Variants in GRIP1 observed in about 807,000 individuals in gnomAD.
GRIP1 encodes the protein glutamate receptor-interacting protein 1.
GRIP1 carries 45 observed loss-of-function variants against 129.9 expected under a neutral mutation model. That is an observed-to-expected ratio of 0.35 (90% CI 0.27 to 0.44). GRIP1 has a LOEUF of 0.44. Ranked by LOEUF, GRIP1 falls within the 20% of genes least tolerant of loss-of-function variation. The pLI is 1.00. For synonymous variants in GRIP1, 530 were observed against 520.8 expected, an observed-to-expected ratio of 1.02 and a Z score of -0.24; for missense variants, 1,196 against 1,396.8, an observed-to-expected ratio of 0.86 and a Z score of 2.29.
chr12:66,355,147 C>A (rs768209549), intron 23 of GRIP1, among the ~76,000 whole-genome samples: 1 of 152,142 alleles, frequency 6.6e-6, no homozygotes, highest in Non-Finnish European at 1.5e-5. Context: ...CACCCCAGAC[C>A]GACTGAGAAT....
intron 2 of GRIP1, among the ~76,000 whole-genome samples, chr12:66,542,263 C>G (rs2061807791): frequency 6.6e-6 from 1 of 152,152 alleles, no homozygotes; most frequent in Non-Finnish European, 1.5e-5. Flanking sequence ...TCTGGTTTCT[C>G]TCCTTGTAAC....
intron 1 of GRIP1, among the ~76,000 whole-genome samples, chr12:66,641,406 T>G (rs1379471739): frequency 6.6e-6 from 1 of 152,196 alleles, no homozygotes; most frequent in African/African-American, 2.4e-5. Flanking sequence ...GGGGTGGGCC[T>G]GGATCCCTGA....
At chr12:66,896,496 A>G (rs888229262) in intron 1 of GRIP1, among the ~76,000 whole-genome samples, 8 of 151,238 alleles carry the variant, frequency 5.3e-5, no homozygotes, top group Admixed American at 1.3e-4. Flanking sequence ...AAAAAAAAAA[A>G]CTTTGGTGGG....
At chr12:66,673,496 G>C (rs2034178596) in intron 1 of GRIP1, among the ~76,000 whole-genome samples, 1 of 152,126 alleles carries the variant, frequency 6.6e-6, no homozygotes, top group Non-Finnish European at 1.5e-5. Context: ...GTCATACAAG[G>C]CATAGCCAAA....
chr12:66,366,833 G>A (rs898647045), intron 23 of GRIP1, among the ~76,000 whole-genome samples: 2 of 145,576 alleles, frequency 1.4e-5, no homozygotes, highest in African/African-American at 5.1e-5. Flanking sequence ...ACAGGTGCAA[G>A]CCACCACGCC....
chr12:66,626,987 T>C (rs2030150984), intron 1 of GRIP1, among the ~76,000 whole-genome samples: 1 of 152,162 alleles, frequency 6.6e-6, no homozygotes, highest in South Asian at 2.1e-4. Context: ...CTTCCCATTT[T>C]CTAACCACAG....
chr12:66,635,061 T>C (rs1263108171), intron 1 of GRIP1, among the ~76,000 whole-genome samples: 7 of 152,176 alleles, frequency 4.6e-5, no homozygotes, highest in Non-Finnish European at 1.5e-5. Flanking sequence ...TGGCACATAG[T>C]AGGAGTCAAT....
At chr12:66,514,981 G>A (rs2060801766) in intron 7 of GRIP1, among the ~76,000 whole-genome samples, 1 of 152,048 alleles carries the variant, frequency 6.6e-6, no homozygotes, top group South Asian at 2.1e-4. Flanking sequence ...CATTACACAA[G>A]ACGTTGGCTC....
In GRIP1 at chr12:66,366,773, T is replaced by C. The variant is rs553072798; in HGVS notation, c.3012+4921A>G. On this transcript the variant is annotated intron_variant, in intron 23 of 24. Coordinates refer to ENST00000359742, the MANE Select transcript of GRIP1 (RefSeq NM_001366722.1). ...ATCACAGTTCACTGAAGCCTTGACCTTCCAGGCTTAAGTGATCCTCTCGCC... is the reference window on the plus strand; with the variant it reads ...ATCACAGTTCACTGAAGCCTTGACCCTCCAGGCTTAAGTGATCCTCTCGCC... Among the ~76,000 whole-genome samples the C allele has an allele frequency of 6.6e-5, 10 of 152,342 alleles. No homozygotes were observed. In the East Asian group the frequency reaches 1.7e-3, roughly 26 times the overall value.
At chr12:66,376,966 G>C in intron 22 of GRIP1, 51 bp downstream of exon 22, 1 of 1,246,508 alleles carries the variant, frequency 8.0e-7, no homozygotes, top group Non-Finnish European at 1.2e-6. Context: ...AAGGCAAGGG[G>C]GTAGGGAAGG....
intron 22 of GRIP1, among the ~76,000 whole-genome samples, chr12:66,374,092 T>C (rs141231339): frequency 3.3e-5 from 5 of 152,336 alleles, no homozygotes; most frequent in African/African-American, 9.6e-5. Context: ...ATAAATACCC[T>C]TTTTAAGTTG....
chr12:66,426,034 T>C (rs533974569), intron 14 of GRIP1, among the ~76,000 whole-genome samples: 24 of 152,260 alleles, frequency 1.6e-4, no homozygotes, highest in African/African-American at 4.8e-4. Flanking sequence ...TTGTTTGTAT[T>C]ATTCTAACAC....
chr12:66,887,741 A>T (rs559052953), intron 1 of GRIP1, among the ~76,000 whole-genome samples: 2 of 152,330 alleles, frequency 1.3e-5, no homozygotes, highest in South Asian at 4.1e-4. Flanking sequence ...TTCTTTAAAA[A>T]CTTTGAAGTT....
intron 1 of GRIP1, among the ~76,000 whole-genome samples, chr12:66,725,987 C>G (rs1421381700): frequency 3.3e-5 from 5 of 152,118 alleles, no homozygotes; most frequent in African/African-American, 9.7e-5. Flanking sequence ...ATAGCATTGT[C>G]AAAACCAGAA....
chr12:66,744,961 T>G (rs1219105392), intron 1 of GRIP1, among the ~76,000 whole-genome samples: 3 of 152,210 alleles, frequency 2.0e-5, no homozygotes, highest in Non-Finnish European at 4.4e-5. Flanking sequence ...ACAATCATTC[T>G]GGTCCTATAA....
chr12:66,765,931 T>C (rs2037621858), intron 1 of GRIP1, among the ~76,000 whole-genome samples: 1 of 152,110 alleles, frequency 6.6e-6, no homozygotes, highest in Non-Finnish European at 1.5e-5. Flanking sequence ...ATGTCCTTAG[T>C]TAAATAGTGT....
At chr12:66,557,862 T>C (rs2062388535) in intron 2 of GRIP1, among the ~76,000 whole-genome samples, 1 of 151,850 alleles carries the variant, frequency 6.6e-6, no homozygotes, top group Non-Finnish European at 1.5e-5. Flanking sequence ...CATCAAAAAA[T>C]AGAAAACCTT....
In GRIP1 at chr12:67,002,148, T is replaced by C. The variant is rs17780712; in HGVS notation, c.58+66902A>G. On this transcript the variant is annotated intron_variant, in intron 1 of 1. Coordinates refer to the GRIP1 transcript ENST00000643019. ...ACAATATTAGATTCAAACTCAATTG[T>C]AGGAAATGCAGTACTTTCGCTATTA... 1.4e-3 allele frequency among the ~76,000 whole-genome samples: 211 copies of C among 152,350 alleles called. 1 individual carries two copies. The highest frequency in any genetic ancestry group is 2.6e-3 in the Non-Finnish European group (179 of 68,024).
chr12:66,480,835 G>C (rs1374557565), intron 7 of GRIP1, among the ~76,000 whole-genome samples: 1 of 152,162 alleles, frequency 6.6e-6, no homozygotes, highest in Non-Finnish European at 1.5e-5. Flanking sequence ...TTAATAAACA[G>C]TATTGGGAAA....
Sources: gnomAD v4.1 joint callset for allele counts (sites outside exome capture counted in the v4.1 genomes callset) on GRCh38, gnomAD v4.1.1 for gene constraint, MANE v1.5 for transcripts, NCBI Gene and HGNC (gene_info 2026-07-23, HGNC 2026-07-21) for gene names.